Variants in PKD1 observed in about 807,000 individuals in gnomAD.
The protein encoded by PKD1 is polycystin-1.
PKD1 carries 81 observed loss-of-function variants against 361.7 expected under a neutral mutation model. The ratio of observed to expected loss-of-function variants is 0.22; its 90% CI spans 0.19 to 0.27. PKD1 has a LOEUF of 0.27. Ranked by LOEUF, PKD1 falls within the 10% of genes least tolerant of loss-of-function variation. The probability of loss-of-function intolerance (pLI) is 1.00; values close to 1 mark genes in which losing one functional copy is unlikely to be tolerated. For synonymous variants in PKD1, 3,615 were observed against 2,818.3 expected (o/e 1.28, Z -8.95); for missense variants, 6,399 against 6,118.3 (o/e 1.05, Z -1.53).
Position 2,111,875 on chromosome 16 carries a change from T to A in PKD1, c.3296-4A>T, listed in dbSNP as rs1555456869. On this transcript the variant is annotated splice_polypyrimidine_tract_variant and splice_region_variant and intron_variant, in intron 14 of 45. Coordinates refer to ENST00000262304, the MANE Select transcript of PKD1 (RefSeq NM_001009944.3). ...AGCACGGTCAGGAGGTACTCACCTG[T>A]GGGGACAGGCCCGAGTGGGGCAGCC... 6 of 1,610,066 alleles carry A rather than the reference T, an allele frequency of 3.7e-6. No homozygotes were observed. In the South Asian group the frequency reaches 6.6e-5, roughly 18 times the overall value.
In PKD1 at chr16:2,115,575, T is replaced by C; in HGVS notation, c.1900A>G (p.Thr634Ala). Residue 634 changes from threonine (T) to alanine (A), a missense_variant, in exon 10 of 46, where the codon ACC becomes GCC. Coordinates refer to ENST00000262304, the MANE Select transcript of PKD1 (RefSeq NM_001009944.3). The part of the protein sequence containing the change: ...EPESRSPDNR[T>A]QLAPACMPGG... ...GGCATGCACGCGGGGGCCAGCTGGG[T>C]CCTGTTGTCCGGGGACCTGCTCTCA... 1 of 1,593,744 alleles carries C rather than the reference T, an allele frequency of 6.3e-7. No individual in the cohort carries two copies. Among genetic ancestry groups the C allele is most frequent in the Non-Finnish European group, 8.6e-7 (1 of 1,169,272 alleles).
chr16:2,097,806 C>G (rs746502285), intron 31 of PKD1, 26 bp from the exon 32 acceptor site: 16 of 1,611,248 alleles, frequency 9.9e-6, no homozygotes, highest in African/African-American at 1.3e-5. Context: ...TGTCTTGAGT[C>G]CAAGCTGCGC....
At position 2,099,560 on chromosome 16, in the gene PKD1, A is replaced by G. The variant is rs2092000375; in HGVS notation, c.10050+84T>C. The stretch of plus-strand genomic sequence containing the variant: ...GGTGGACGCCTTTCCCTCTGGCTGC[A>G]GCACTGGAAAGTGGCGGCCCTAGGC... On this transcript the variant is annotated intron_variant, in intron 30 of 45. Transcript: ENST00000262304. 4.5e-6 allele frequency: 6 copies of G among 1,330,134 alleles called. No individual in the cohort carries two copies. In the Admixed American group the frequency reaches 7.8e-5, roughly 17 times the overall value. The allele number at this position is 1,330,134 out of a possible 1,614,324, so 82.4% of individuals were successfully genotyped here. A position where few individuals can be genotyped will look rare whatever the true frequency, so the allele number is the denominator to read the frequency against.
intron 1 of PKD1, among the ~76,000 whole-genome samples, chr16:2,121,183 C>T (rs1200105762): frequency 3.3e-5 from 5 of 151,832 alleles, no homozygotes; most frequent in South Asian, 2.1e-4. Flanking sequence ...CCGACCAACA[C>T]GGAGACACCC....
At position 2,094,109 on chromosome 16, in the gene PKD1, G is replaced by A. The variant is rs550305727; in HGVS notation, c.10601C>T (p.Ala3534Val). 6.4e-5 allele frequency: 102 copies of A among 1,589,046 alleles called. 1 individual carries two copies. The highest frequency in any genetic ancestry group is 5.0e-4 in the Middle Eastern group (3 of 6,028). Residue 3534 changes from alanine to valine, a missense_variant, in exon 35 of 46, where the codon GCG (alanine) becomes GTG (valine). Transcript: ENST00000262304. ...PGLNWEQPQA[A>V]RLSRTGLVEG... ...AAGCACACCTGTCCTGGACAGCCTC[G>A]CTGCCTGGGGCTGTTCCCAGTTCAG...
chr16:2,109,662 C>A lies in PKD1; in HGVS notation c.5505G>T (p.Val1835=). The change falls in exon 15 of 46, where the codon GTG becomes GTT. Residue 1835 remains valine (V), a synonymous_variant. Transcript: ENST00000262304. ...CGCCGGGCACAGCCCAGCACCAGCT[C>A]ACATTGGTGCCCGTGGCCAGCTGCC... The part of the protein sequence containing the change: ...FWGQLATGTN[V]SWCWAVPGGS... 1.9e-6 allele frequency: 3 copies of A among 1,588,458 alleles called. No homozygotes were observed. Among genetic ancestry groups the A allele is most frequent in the Non-Finnish European group, 2.6e-6 (3 of 1,168,334 alleles).
intron 1 of PKD1, among the ~76,000 whole-genome samples, chr16:2,126,018 A>G (rs917837698): frequency 3.3e-5 from 5 of 151,814 alleles, no homozygotes; most frequent in Non-Finnish European, 5.9e-5. Context: ...GGGGGGGGCA[A>G]GCAAACTGGC....
chr16:2,097,085 G>C lies in PKD1; in HGVS notation c.10499+63C>G. The stretch of plus-strand genomic sequence containing the variant: ...CCTACCCCAGGCGGGAACCACGGCT[G>C]CCTGGCCTGAGTCCCGGCCCCTCCT... On this transcript the variant is annotated intron_variant, in intron 34 of 45. Coordinates refer to ENST00000262304, the MANE Select transcript of PKD1 (RefSeq NM_001009944.3). The C allele has an allele frequency of 4.3e-6, 5 of 1,158,998 alleles. 1 individual carries two copies. The Middle Eastern group carries it at 1.1e-3, about 253-fold the overall frequency. The allele number at this position is 1,158,998 out of a possible 1,614,324, so 71.8% of individuals were successfully genotyped here.
Position 2,109,350 on chromosome 16 carries a change from G to A in PKD1, c.5817C>T (p.Ser1939=), listed in dbSNP as rs778707830. ...EVLPGPRFSH[S]FPRVGDHVVS... is the part of the protein sequence containing the mutation. ...CCACGTGGTCTCCGACGCGGGGGAA[G>A]CTGTGGGAGAAACGGGGCCCGGGGA... The change falls in exon 15 of 46, where the codon AGC becomes AGT. Residue 1939 remains serine (S), a synonymous_variant. Coordinates refer to ENST00000262304, the MANE Select transcript of PKD1 (RefSeq NM_001009944.3). 6 of 1,592,008 alleles carry A rather than the reference G, an allele frequency of 3.8e-6. No homozygotes were observed. Among genetic ancestry groups the A allele is most frequent in the South Asian group, 2.2e-5 (2 of 90,706 alleles).
chr16:2,112,293 G>A (rs777674855), intron 14 of PKD1, 47 bp downstream of exon 14: 19 of 1,538,388 alleles, frequency 1.2e-5, no homozygotes, highest in Non-Finnish European at 1.6e-5. Context: ...GGGACCCCGT[G>A]CTCAGAGCCT....
chr16:2,112,150 C>T (rs1298503373), intron 14 of PKD1, among the ~76,000 whole-genome samples, 190 bp downstream of exon 14: 1 of 152,162 alleles, frequency 6.6e-6, no homozygotes, highest in African/African-American at 2.4e-5. Flanking sequence ...AGTTCAGGGG[C>T]CCAGCTTCCC....
Position 2,097,974 on chromosome 16 carries a change from C to T in PKD1, c.10061G>A (p.Ser3354Asn), listed in dbSNP as rs1452197858. 3.8e-6 allele frequency: 6 copies of T among 1,579,032 alleles called. No individual in the cohort carries two copies. Among genetic ancestry groups the T allele is most frequent in the Non-Finnish European group, 2.6e-6 (3 of 1,154,448 alleles). Reference protein sequence around the residue: ...FRMSRSKVAGSPSPTPAGQQV... With the variant: ...FRMSRSKVAGNPSPTPAGQQV... ...CTGCCCGGCAGGTGTGGGGCTCGGG[C>T]TCCCAGCCACCTGCAGGACGAGGGC... The change falls in exon 31 of 46, where the codon AGC becomes AAC. Residue 3354 changes from serine to asparagine, a missense_variant. Transcript: ENST00000262304.
rs568846847 is a variant in PKD1, at chr16:2,100,321, C to G, written c.9569-12G>C. 2.4e-5 allele frequency: 39 copies of G among 1,610,030 alleles called. 1 individual carries two copies. In the South Asian group the frequency reaches 3.3e-4, roughly 14 times the overall value. ...GGCAGGGCTGAGCCCTGCAGAGGCGCAGGAGGGAGGTCAGGCTCGCAGGGC... is the reference window on the plus strand; with the variant it reads ...GGCAGGGCTGAGCCCTGCAGAGGCGGAGGAGGGAGGTCAGGCTCGCAGGGC... On this transcript the variant is annotated splice_polypyrimidine_tract_variant and intron_variant, in intron 27 of 45. Coordinates refer to ENST00000262304, the MANE Select transcript of PKD1 (RefSeq NM_001009944.3). The surrounding 1 kb of genome is among the most constrained non-coding windows in gnomAD (Gnocchi z 4.4).
Position 2,125,792 on chromosome 16 carries a change from G to A in PKD1, c.216-6414C>T, listed in dbSNP as rs570850636. Among the ~76,000 whole-genome samples, 3 of 152,046 alleles carry A rather than the reference G, an allele frequency of 2.0e-5. No homozygotes were observed. The South Asian group carries it at 6.2e-4, about 32-fold the overall frequency. On this transcript the variant is annotated intron_variant, in intron 1 of 45. Transcript: ENST00000262304. ...TGGTGCCCCTGCACGCAGCTGACATGGAGCCAGGCGTTGTGACCCCCTTGC... is the reference window on the plus strand; with the variant it reads ...TGGTGCCCCTGCACGCAGCTGACATAGAGCCAGGCGTTGTGACCCCCTTGC...
chr16:2,120,233 T>C, intron 1 of PKD1: 1 of 221,386 alleles, frequency 4.5e-6, no homozygotes, highest in Non-Finnish European at 8.9e-6. Context: ...AATACATACA[T>C]AATTAATAAA....
In PKD1 at chr16:2,109,302, G is replaced by C; in HGVS notation, c.5865C>G (p.His1955Gln). The C allele has an allele frequency of 6.3e-7, 1 of 1,585,102 alleles. No individual in the cohort carries two copies. The highest frequency in any genetic ancestry group is 8.6e-7 in the Non-Finnish European group (1 of 1,168,176). The change falls in exon 15 of 46, where the codon CAC (histidine) becomes CAG (glutamine). Residue 1955 changes from histidine to glutamine, a missense_variant. His to Gln is a conservative substitution (Grantham distance 24, BLOSUM62 0). Transcript: ENST00000262304. ...GCACCTGCGCCTGGGCCCAGCTCAC[G>C]TGGTTTTTGCCCCGCACGCTCACCA... is the stretch of plus-strand genomic sequence containing the variant. ...DHVVSVRGKN[H>Q]VSWAQAQVRI...
chr16:2,102,157 A>G lies in PKD1; in HGVS notation c.9301T>C (p.Leu3101=), dbSNP rs770892543. ...MAAILHKLDQ[L]DASRGRAIPF... ...ATGGCGCGGCCCCGGCTGGCATCCA[A>G]CTGGTCCAGCTTGTGCAGGATGGCG... Residue 3101 remains leucine (L), a synonymous_variant, in exon 26 of 46, where the codon TTG becomes CTG. Transcript: ENST00000262304. The G allele has an allele frequency of 3.2e-6, 5 of 1,562,504 alleles. No individual in the cohort carries two copies. The Admixed American group carries it at 6.8e-5, about 21-fold the overall frequency.
chr16:2,100,203 G>A lies in PKD1; in HGVS notation c.9675C>T (p.Ala3225=). ...VNDWLSVETE[A]NGGLVEKEVL... ...CCTCCTTCTCCACCAGGCCCCCGTTGGCCTCCGTCTCCACCGAAAGCCAGT... is the reference window on the plus strand; with the variant it reads ...CCTCCTTCTCCACCAGGCCCCCGTTAGCCTCCGTCTCCACCGAAAGCCAGT... The change falls in exon 28 of 46, where the codon GCC becomes GCT. Residue 3225 remains alanine (A), a synonymous_variant. Coordinates refer to ENST00000262304, the MANE Select transcript of PKD1 (RefSeq NM_001009944.3). This position sits in a 1 kb window ranked among gnomAD's most constrained non-coding sequence, Gnocchi z 4.4. 6.2e-7 allele frequency: 1 copy of A among 1,609,768 alleles called. No individual in the cohort carries two copies. Among genetic ancestry groups the A allele is most frequent in the South Asian group, 1.1e-5 (1 of 90,982 alleles).
rs116236042 is a variant in PKD1 at position 2,090,926 on chromosome 16, G to A, written c.11961C>T (p.Ala3987=). The change falls in exon 43 of 46, where the codon GCC becomes GCT. Residue 3987 remains alanine, a synonymous_variant. Coordinates refer to ENST00000262304, the MANE Select transcript of PKD1 (RefSeq NM_001009944.3). The part of the protein sequence containing the change: ...FDQVAQLSSA[A]RGLAASLLFL... ...AGAGCAGCGAGGCCGCCAGGCCACG[G>A]GCTGCGGAGCTCAGCTGCGCCACCT... 5,382 of 1,582,776 alleles carry A rather than the reference G, an allele frequency of 3.4e-3. 172 individuals carry two copies. In the African/African-American group the frequency reaches 0.063, roughly 19 times the overall value.
Sources: gnomAD v4.1 joint callset for allele counts (sites outside exome capture counted in the v4.1 genomes callset) on GRCh38, gnomAD v4.1.1 for gene constraint, Gnocchi (gnomAD v3.1) non-coding constraint, MANE v1.5 for transcripts, NCBI Gene and HGNC (gene_info 2026-07-23, HGNC 2026-07-21) for gene names.